Variants in SPEN observed in about 807,000 individuals in gnomAD.
SPEN encodes the protein spen family transcriptional repressor.
SPEN carries 18 observed loss-of-function variants against 269.9 expected under a neutral mutation model. That is an observed-to-expected ratio of 0.07 (90% CI 0.05 to 0.10). The LOEUF is 0.10. Among genes scored for constraint, SPEN ranks in the 10% least tolerant of loss-of-function variants. The probability of loss-of-function intolerance (pLI) is 1.00; values close to 1 mark genes in which losing one functional copy is unlikely to be tolerated. For missense variants in SPEN, 3,822 were observed against 4,631.2 expected (o/e 0.83, Z 5.07); for synonymous variants, 1,726 against 1,765.7 (o/e 0.98, Z 0.56).
Position 15,934,747 on chromosome 1 carries a change from A to C in SPEN, c.8507A>C (p.Gln2836Pro), listed in dbSNP as rs758928691. The change falls in exon 11 of 15, where the codon CAG becomes CCG. Residue 2836 changes from glutamine (Q) to proline (P), a missense_variant. Around this residue, in one of 16 missense-constraint regions of SPEN, gnomAD observed 329 missense variants for 431.2 expected, o/e 0.76. Coordinates refer to ENST00000375759, the MANE Select transcript of SPEN (RefSeq NM_015001.3). The surrounding 1 kb of genome is among the most constrained non-coding windows in gnomAD (Gnocchi z 9.2). ...GPQRISAKIS[Q>P]IPPASAMDIE... is the part of the protein sequence containing the mutation. ...CAGCGGATCAGCGCCAAGATCAGCC[A>C]GATCCCCCCGGCCAGTGCAATGGAC... 51 of 1,614,068 alleles carry C rather than the reference A, an allele frequency of 3.2e-5. 1 individual carries two copies. The South Asian group carries it at 4.9e-4, about 16-fold the overall frequency.
intron 9 of SPEN, among the ~76,000 whole-genome samples, chr1:15,922,014 T>G (rs2071123783): frequency 1.3e-5 from 2 of 152,236 alleles, no homozygotes; most frequent in African/African-American, 4.8e-5. Flanking sequence ...TTTCACTCCT[T>G]CACAATTGGG....
In SPEN at chr1:15,929,577, C is replaced by G; in HGVS notation, c.3337C>G (p.Leu1113Val). The change falls in exon 11 of 15, where the codon CTC (leucine) becomes GTC (valine). Residue 1113 changes from leucine to valine, a missense_variant. Transcript: ENST00000375759. The surrounding 1 kb of genome is among the most constrained non-coding windows in gnomAD (Gnocchi z 5.8). ...SKKPIPSKPQ[L>V]KQLQVLDDQG... ...AAAGCCCATTCCCTCAAAACCACAG[C>G]TCAAACAGCTGCAGGTATTAGATGA... 4 of 1,614,028 alleles carry G rather than the reference C, an allele frequency of 2.5e-6. No individual in the cohort carries two copies. The South Asian group carries it at 3.3e-5, about 13-fold the overall frequency.
At chr1:15,855,396 A>AT (rs983550598) in intron 1 of SPEN, among the ~76,000 whole-genome samples, 29 of 150,570 alleles carry the variant, frequency 1.9e-4, no homozygotes, top group South Asian at 4.2e-4. Context: ...ACTAAAAGTG[A>AT]TTTTTTTTTT....
chr1:15,899,703 T>G (rs368960146), intron 3 of SPEN, among the ~76,000 whole-genome samples: 2 of 152,112 alleles, frequency 1.3e-5, no homozygotes, highest in South Asian at 4.1e-4. Flanking sequence ...TTATTAGATG[T>G]TGCGCATTTT....
At chr1:15,860,442 A>AGTGTGTGTGTGTGTGT (rs71574142) in intron 1 of SPEN, among the ~76,000 whole-genome samples, 4 of 120,094 alleles carry the variant, frequency 3.3e-5, no homozygotes, top group African/African-American at 1.3e-4. Flanking sequence ...GTCCCACTGT[A>AGTGTGTGTGTGTGTGT]GTGTGTGTGT....
chr1:15,896,320 C>G (rs892640271), intron 3 of SPEN, among the ~76,000 whole-genome samples: 2 of 151,392 alleles, frequency 1.3e-5, no homozygotes, highest in African/African-American at 4.9e-5. Flanking sequence ...CTCAGCCTCC[C>G]ACGTAGCTGG....
Position 15,935,981 on chromosome 1 carries a change from T to G in SPEN, c.9741T>G (p.Pro3247=). The change falls in exon 11 of 15, where the codon CCT becomes CCG. Residue 3247 remains proline (P), a synonymous_variant. Transcript: ENST00000375759. This position sits in a 1 kb window ranked among gnomAD's most constrained non-coding sequence, Gnocchi z 7.7. ...CCAAAGCTGCCCCCACCCCCACCCC[T>G]GCCCCCGTCCCTGTCCCTGTCCCCC... ...PDAKAAPTPT[P]APVPVPVPLP... The G allele has an allele frequency of 3.4e-6, 2 of 595,456 alleles. No individual in the cohort carries two copies. The highest frequency in any genetic ancestry group is 4.8e-6 in the Non-Finnish European group (2 of 417,712). The allele number at this position is 595,456 out of a possible 1,614,324, so 36.9% of individuals were successfully genotyped here. A position where few individuals can be genotyped will look rare whatever the true frequency, so the allele number is the denominator to read the frequency against.
intron 5 of SPEN, among the ~76,000 whole-genome samples, chr1:15,915,484 G>A (rs2071049654): frequency 1.3e-5 from 2 of 152,284 alleles, no homozygotes; most frequent in Non-Finnish European, 2.9e-5. Flanking sequence ...GCGAGACTCT[G>A]TCCCAAAAAC....
intron 10 of SPEN, among the ~76,000 whole-genome samples, chr1:15,926,166 C>T (rs967683011): frequency 7.9e-5 from 12 of 152,030 alleles, no homozygotes; most frequent in Non-Finnish European, 4.4e-5. Context: ...GAGACTGAGG[C>T]GGGCAGATCA....
chr1:15,877,959 G>A (rs774399643), intron 3 of SPEN, among the ~76,000 whole-genome samples: 2 of 151,806 alleles, frequency 1.3e-5, no homozygotes, highest in African/African-American at 2.4e-5. Flanking sequence ...TGGCCAGGCT[G>A]GTCTCTAACT....
In SPEN at chr1:15,931,949, T is replaced by C. The variant is rs2071225200; in HGVS notation, c.5709T>C (p.Asn1903=). 1.2e-6 allele frequency: 2 copies of C among 1,614,068 alleles called. No individual in the cohort carries two copies. The highest frequency in any genetic ancestry group is 1.7e-5 in the Admixed American group (1 of 60,004). ...SLPLSRTRRR[N]VRSVYATMGD... is the part of the protein sequence containing the mutation. The stretch of plus-strand genomic sequence containing the variant: ...CTCTCAGCCGAACAAGGCGCCGGAA[T>C]GTAAGGAGCGTCTATGCAACCATGG... Residue 1903 remains asparagine, a synonymous_variant, in exon 11 of 15, where the codon AAT becomes AAC. Transcript: ENST00000375759. The surrounding 1 kb of genome is among the most constrained non-coding windows in gnomAD (Gnocchi z 4.8).
intron 1 of SPEN, among the ~76,000 whole-genome samples, chr1:15,863,656 C>A (rs1569975960): frequency 6.6e-6 from 1 of 152,018 alleles, no homozygotes. Flanking sequence ...GCCTAGGCAA[C>A]ATGTTGAGAC....
chr1:15,915,210 T>C (rs1398876977), intron 5 of SPEN, among the ~76,000 whole-genome samples: 2 of 152,156 alleles, frequency 1.3e-5, no homozygotes, highest in Non-Finnish European at 2.9e-5. Context: ...GTGTCAGTGA[T>C]TATTTTTAAA....
chr1:15,901,548 G>A (rs1422525764), intron 3 of SPEN, among the ~76,000 whole-genome samples: 2 of 151,076 alleles, frequency 1.3e-5, no homozygotes, highest in Non-Finnish European at 2.9e-5. Context: ...TACCCAGAAG[G>A]CTGAGTTGGG....
rs747459033 is a variant in SPEN at position 15,938,718 on chromosome 1, G to A, written c.10705G>A (p.Val3569Met). 1 of 1,613,112 alleles carries A rather than the reference G, an allele frequency of 6.2e-7. No homozygotes were observed. The highest frequency in any genetic ancestry group is 1.1e-5 in the South Asian group (1 of 91,016). The change falls in exon 14 of 15, where the codon GTG (valine) becomes ATG (methionine). Residue 3569 changes from valine to methionine, a missense_variant and splice_region_variant. By Grantham distance (21) the Val-to-Met change is conservative. Around this residue, in one of 16 missense-constraint regions of SPEN, gnomAD observed 103 missense variants for 215.8 expected, o/e 0.48. Transcript: ENST00000375759. ...QLEGVARRMT[V>M]ETDYCLLLAL... The stretch of plus-strand genomic sequence containing the variant: ...CACTGGCAGCTGGCCTCTGCCTCAG[G>A]TGGAGACAGATTACTGTCTGCTGCT...
chr1:15,930,363 C>T lies in SPEN; in HGVS notation c.4123C>T (p.Pro1375Ser). 1 of 1,613,416 alleles carries T rather than the reference C, an allele frequency of 6.2e-7. No homozygotes were observed. Among genetic ancestry groups the T allele is most frequent in the Non-Finnish European group, 8.5e-7 (1 of 1,179,462 alleles). The change falls in exon 11 of 15, where the codon CCT (proline) becomes TCT (serine). Residue 1375 changes from proline to serine, a missense_variant. Transcript: ENST00000375759. The surrounding 1 kb of genome is among the most constrained non-coding windows in gnomAD (Gnocchi z 5.3). ...LRKRSVRDLE[P>S]GEVPSDSDED... ...AAAAAGGTCTGTACGAGATCTGGAACCTGGTGAGGTGCCTTCTGATTCTGA... is the reference window on the plus strand; with the variant it reads ...AAAAAGGTCTGTACGAGATCTGGAATCTGGTGAGGTGCCTTCTGATTCTGA...
intron 10 of SPEN, among the ~76,000 whole-genome samples, chr1:15,923,773 G>A (rs970234908): frequency 1.3e-5 from 2 of 151,716 alleles, no homozygotes; most frequent in East Asian, 1.9e-4. Flanking sequence ...TGGTTCAAGC[G>A]ATTCTCCTGC....
chr1:15,926,768 C>G (rs974115155), intron 10 of SPEN, among the ~76,000 whole-genome samples: 2 of 151,364 alleles, frequency 1.3e-5, no homozygotes, highest in Non-Finnish European at 2.9e-5. Flanking sequence ...TCTTGACTCA[C>G]TGCAAGCTCC....
rs1216154702 is a variant in SPEN, at chr1:15,928,502, G to A, written c.2262G>A (p.Arg754=). Residue 754 remains arginine, a synonymous_variant, in exon 11 of 15, where the codon AGG becomes AGA. Coordinates refer to ENST00000375759, the MANE Select transcript of SPEN (RefSeq NM_015001.3). This position sits in a 1 kb window ranked among gnomAD's most constrained non-coding sequence, Gnocchi z 5.7. The part of the protein sequence containing the change: ...AERLPSDSER[R]LYSRSSDRSG... Reference sequence around the variant, plus strand: ...GGTTGCCGAGTGATTCTGAGAGGAGGCTTTACAGCCGATCCTCAGACCGGA... The same window carrying A: ...GGTTGCCGAGTGATTCTGAGAGGAGACTTTACAGCCGATCCTCAGACCGGA... 13 of 1,614,002 alleles carry A rather than the reference G, an allele frequency of 8.1e-6. No individual in the cohort carries two copies. The highest frequency in any genetic ancestry group is 1.6e-4 in the Middle Eastern group (1 of 6,084).
Sources: gnomAD v4.1 joint callset for allele counts (sites outside exome capture counted in the v4.1 genomes callset) on GRCh38, gnomAD v4.1.1 for gene constraint, gnomAD v4.1.1 regional missense constraint, Gnocchi (gnomAD v3.1) non-coding constraint, MANE v1.5 for transcripts, NCBI Gene and HGNC (gene_info 2026-07-23, HGNC 2026-07-21) for gene names.